Variants in PHACTR4 observed in about 807,000 individuals in gnomAD.
PHACTR4 encodes protein phosphatase 1, regulatory subunit 124.
PHACTR4 carries 51 observed loss-of-function variants against 72.7 expected under a neutral mutation model. That is an observed-to-expected ratio of 0.70 (90% confidence interval 0.56 to 0.89). PHACTR4 has a LOEUF of 0.89. Among genes scored for constraint, PHACTR4 ranks in the 40% least tolerant of loss-of-function variants. The pLI is 0.00. For synonymous variants in PHACTR4, 255 were observed against 302.5 expected (o/e 0.84, Z 1.63); for missense variants, 731 against 861.8 (o/e 0.85, Z 1.90).
At chr1:28,440,609 G>A (rs1656956809) in intron 2 of PHACTR4, among the ~76,000 whole-genome samples, 1 of 151,614 alleles carries the variant, frequency 6.6e-6, no homozygotes, top group Non-Finnish European at 1.5e-5. Context: ...GCTTAACTAA[G>A]TTTTTTATGT....
chr1:28,402,234 T>C (rs1653994980), intron 1 of PHACTR4, among the ~76,000 whole-genome samples: 1 of 152,192 alleles, frequency 6.6e-6, no homozygotes. Flanking sequence ...GCTTTACATC[T>C]GTTGCCCTAC....
At chr1:28,474,502 G>A (rs975746526) in intron 7 of PHACTR4, among the ~76,000 whole-genome samples, 1 of 150,510 alleles carries the variant, frequency 6.6e-6, no homozygotes, top group African/African-American at 2.4e-5. Context: ...CAGCCTGGGC[G>A]ACAAAGCGAG....
intron 1 of PHACTR4, among the ~76,000 whole-genome samples, chr1:28,404,638 A>G (rs2124269662): frequency 6.6e-6 from 1 of 152,242 alleles, no homozygotes; most frequent in African/African-American, 2.4e-5. Flanking sequence ...TCATATGGTA[A>G]ACTCTATGTT....
intron 4 of PHACTR4, among the ~76,000 whole-genome samples, chr1:28,462,308 C>G (rs1335183573): frequency 1.3e-5 from 2 of 151,832 alleles, no homozygotes; most frequent in South Asian, 2.1e-4. Flanking sequence ...CATGCCTGGC[C>G]TGGCCCTTGC....
At position 28,496,813 on chromosome 1, in the gene PHACTR4, A is replaced by G; in HGVS notation, c.*264A>G. 1 of 548,418 alleles carries G rather than the reference A, an allele frequency of 1.8e-6. No individual in the cohort carries two copies. The highest frequency in any genetic ancestry group is 3.3e-6 in the Non-Finnish European group (1 of 305,632). 34.0% of individuals were successfully genotyped at this position (548,418 alleles called of 1,614,324 possible). A position where few individuals can be genotyped will look rare whatever the true frequency, so the allele number is the denominator to read the frequency against. On this transcript the variant is annotated 3_prime_UTR_variant, in exon 14 of 14. Transcript: ENST00000373839. ...GGAGTTTTTCCCTTACTGGCCACCA[A>G]AGTTCTGAACCACTTGCAGGTTCCA... is the stretch of plus-strand genomic sequence containing the variant.
At chr1:28,404,249 C>A (rs1654151652) in intron 1 of PHACTR4, among the ~76,000 whole-genome samples, 1 of 148,708 alleles carries the variant, frequency 6.7e-6, no homozygotes, top group East Asian at 2.0e-4. Context: ...TGCACCTGGC[C>A]TGTGTACAAG....
intron 1 of PHACTR4, among the ~76,000 whole-genome samples, chr1:28,371,783 G>A (rs1188245011): frequency 1.3e-5 from 2 of 151,938 alleles, no homozygotes; most frequent in Admixed American, 1.3e-4. Flanking sequence ...AAAAATTTTT[G>A]TATTGATTGG....
rs770350002 is a variant in PHACTR4 at position 28,466,368 on chromosome 1, A to G, written c.437-14A>G. 7 of 1,600,350 alleles carry G rather than the reference A, an allele frequency of 4.4e-6. No homozygotes were observed. The highest frequency in any genetic ancestry group is 5.1e-6 in the Non-Finnish European group (6 of 1,169,630). On this transcript the variant is annotated splice_polypyrimidine_tract_variant and intron_variant, in intron 5 of 13. Coordinates refer to ENST00000373839, the MANE Select transcript of PHACTR4 (RefSeq NM_001048183.3). Reference sequence around the variant, plus strand: ...TCTCTCTTCCCTTTTTATACCATACATGTTATTACACAGGCTCAACTGGAA... The same window carrying G: ...TCTCTCTTCCCTTTTTATACCATACGTGTTATTACACAGGCTCAACTGGAA...
chr1:28,369,795 G>T lies in PHACTR4; in HGVS notation c.-69G>T, dbSNP rs1291262637. ...TAGGATTTCCGGGAGAGGCTGCTGT[G>T]GAGGCTGAGGAGGCGGCGGCGGAGA... On this transcript the variant is annotated 5_prime_UTR_variant, in exon 1 of 14. Transcript: ENST00000373839. 1.7e-5 allele frequency: 8 copies of T among 458,748 alleles called. No individual in the cohort carries two copies. The highest frequency in any genetic ancestry group is 3.5e-5 in the Non-Finnish European group (8 of 229,636). 28.4% of individuals were successfully genotyped at this position (458,748 alleles called of 1,614,324 possible).
chr1:28,389,793 A>G (rs1002398915), intron 1 of PHACTR4, among the ~76,000 whole-genome samples: 1 of 152,068 alleles, frequency 6.6e-6, no homozygotes, highest in African/African-American at 2.4e-5. Context: ...CTACTGTTCT[A>G]TGGAAAACAG....
chr1:28,404,681 C>T lies in PHACTR4; in HGVS notation c.-38-2729C>T, dbSNP rs146742048. Among the ~76,000 whole-genome samples, 98 of 152,272 alleles carry T rather than the reference C, an allele frequency of 6.4e-4. No homozygotes were observed. In the East Asian group the frequency reaches 0.015, roughly 23 times the overall value. On this transcript the variant is annotated intron_variant, in intron 1 of 13. Transcript: ENST00000373839. The stretch of plus-strand genomic sequence containing the variant: ...TTGGGGAACTGTTACTCTTCCAAAT[C>T]GGCTACATCATTTTACATTCTCACC...
At position 28,473,970 on chromosome 1, in the gene PHACTR4, C is replaced by T. The variant is rs781542327; in HGVS notation, c.1240C>T (p.Pro414Ser). The part of the protein sequence containing the change: ...GEPHIPSRLP[P>S]LPLHIRIQQA... ...GCCCCATATACCCTCTAGGCTGCCT[C>T]CACTCCCACTGCATATTCGAATCCA... Residue 414 changes from proline (P) to serine (S), a missense_variant, in exon 7 of 14, where the codon CCA becomes TCA. Pro to Ser is a moderately conservative substitution (Grantham distance 74). Around this residue, in one of 2 missense-constraint regions of PHACTR4, gnomAD observed 621 missense variants for 676.6 expected, o/e 0.92. Transcript: ENST00000373839. The T allele has an allele frequency of 3.1e-6, 5 of 1,614,144 alleles. No homozygotes were observed. In the Admixed American group the frequency reaches 8.3e-5, roughly 27 times the overall value.
At chr1:28,461,870 T>C (rs983352128) in intron 4 of PHACTR4, among the ~76,000 whole-genome samples, 1 of 150,826 alleles carries the variant, frequency 6.6e-6, no homozygotes, top group Non-Finnish European at 1.5e-5. Flanking sequence ...TTTTTTTGTA[T>C]GTGACTAGTT....
chr1:28,442,730 T>C (rs1657132047), intron 2 of PHACTR4, among the ~76,000 whole-genome samples: 1 of 152,076 alleles, frequency 6.6e-6, no homozygotes, highest in African/African-American at 2.4e-5. Flanking sequence ...GCTTTCAAAC[T>C]CCTGACCTCA....
At chr1:28,420,582 C>G (rs973765590) in intron 2 of PHACTR4, among the ~76,000 whole-genome samples, 1 of 152,158 alleles carries the variant, frequency 6.6e-6, no homozygotes, top group Non-Finnish European at 1.5e-5. Flanking sequence ...CAAACTAATA[C>G]AAGCCATGAT....
At position 28,466,389 on chromosome 1, in the gene PHACTR4, T is replaced by G; in HGVS notation, c.444T>G (p.Thr148=). The part of the protein sequence containing the change: ...EEDLKKRLGS[T]GSQPNSEAES... ...ATACATGTTATTACACAGGCTCAACTGGAAGCCAGCCTAATTCTGAAGCAG... is the reference window on the plus strand; with the variant it reads ...ATACATGTTATTACACAGGCTCAACGGGAAGCCAGCCTAATTCTGAAGCAG... Residue 148 remains threonine (T), a synonymous_variant, in exon 6 of 14, where the codon ACT becomes ACG. Coordinates refer to ENST00000373839, the MANE Select transcript of PHACTR4 (RefSeq NM_001048183.3). 1 of 1,609,858 alleles carries G rather than the reference T, an allele frequency of 6.2e-7. No individual in the cohort carries two copies. Among genetic ancestry groups the G allele is most frequent in the Non-Finnish European group, 8.5e-7 (1 of 1,176,338 alleles).
At chr1:28,472,379 A>T (rs180970176) in intron 6 of PHACTR4, among the ~76,000 whole-genome samples, 250 of 152,160 alleles carry the variant, frequency 1.6e-3, no homozygotes, top group Non-Finnish European at 2.3e-3. Context: ...TTCCCCTGTC[A>T]CCTCAGGTGG....
intron 2 of PHACTR4, among the ~76,000 whole-genome samples, chr1:28,426,029 T>C (rs2124357961): frequency 6.6e-6 from 1 of 152,004 alleles, no homozygotes; most frequent in East Asian, 2.0e-4. Flanking sequence ...GAGACCAGCC[T>C]GACCAACATG....
chr1:28,409,725 C>T (rs2124292810), intron 2 of PHACTR4, among the ~76,000 whole-genome samples: 1 of 152,176 alleles, frequency 6.6e-6, no homozygotes, highest in South Asian at 2.1e-4. Flanking sequence ...TCATCTGGCT[C>T]AGATTAAGAG....
Sources: allele counts gnomAD v4.1 joint callset (sites outside exome capture counted in the v4.1 genomes callset), GRCh38; gene constraint gnomAD v4.1.1; regional missense constraint gnomAD v4.1.1; transcripts MANE v1.5; gene names NCBI Gene and HGNC (gene_info 2026-07-23, HGNC 2026-07-21).